Variants in KLK8 observed in about 807,000 individuals in gnomAD.
The protein encoded by KLK8 is kallikrein-8.
KLK8 carries 18 observed loss-of-function variants against 26.7 expected under a neutral mutation model. That is an observed-to-expected ratio of 0.67 (90% CI 0.47 to 1.00). KLK8 has a LOEUF of 1.00. KLK8 is among the 50% of genes least tolerant of loss of function. The pLI is 0.00. For synonymous variants in KLK8, 137 were observed against 127.1 expected, an observed-to-expected ratio of 1.08 and a Z score of -0.52; for missense variants, 301 against 331.7, an observed-to-expected ratio of 0.91 and a Z score of 0.72.
At chr19:50,997,968 A>G in intron 5 of KLK8, 84 bp from the exon 5 acceptor site, 1 of 1,553,298 alleles carries the variant, frequency 6.4e-7, no homozygotes, top group Non-Finnish European at 8.8e-7. Flanking sequence ...CTTTCTTTCC[A>G]GGATGTAATG....
chr19:51,000,727 C>G, intron 3 of KLK8, 144 bp from the exon 3 acceptor site: 6 of 1,525,286 alleles, frequency 3.9e-6, no homozygotes, highest in Non-Finnish European at 5.3e-6. Context: ...CGCTGCCACA[C>G]GGGGACACTC....
Position 50,997,829 on chromosome 19 carries a change from C to T in KLK8, c.549G>A (p.Lys183=), listed in dbSNP as rs1031168438. Residue 183 remains lysine (K), a synonymous_variant, in exon 6 of 7, where the codon AAG becomes AAA. Transcript: ENST00000600767. ...TCTGCCCCGGGTAAGCATCCTCACA[C>T]TTCTTCTGGGGAAAGATTTTTACTT... 6.2e-6 allele frequency: 10 copies of T among 1,614,032 alleles called. No individual in the cohort carries two copies. The Admixed American group carries it at 1.3e-4, about 22-fold the overall frequency.
At chr19:50,999,130 G>A (rs7245714) in intron 5 of KLK8, 10,082 of 152,208 alleles carry the variant, frequency 0.066, 919 homozygotes, top group African/African-American at 0.2. Flanking sequence ...GGGCTCTCTG[G>A]ATTCTGGAGT....
chr19:50,999,595 A>AAAAAAAAAAAG (rs2091201105), intron 5 of KLK8, among the ~76,000 whole-genome samples: 1 of 101,710 alleles, frequency 9.8e-6, no homozygotes, highest in Admixed American at 9.1e-5. Flanking sequence ...AAAAAAAAAA[A>AAAAAAAAAAAG]AAAAAAAAAA....
exon 3 of KLK8, chr19:51,001,125 G>A: frequency 1.2e-6 from 2 of 1,613,498 alleles, no homozygotes; most frequent in South Asian, 2.2e-5. Context: ...AGCAAGAGCA[G>A]GAACATCCAC....
chr19:50,997,672 C>A (rs1048549201), intron 6 of KLK8, 79 bp downstream of exon 5: 8 of 1,529,524 alleles, frequency 5.2e-6, no homozygotes, highest in Middle Eastern at 4.7e-4. Flanking sequence ...TCCCTTACCA[C>A]CCCCACCCCC....
chr19:50,997,618 A>G, intron 6 of KLK8, 133 bp downstream of exon 5: 1 of 1,029,342 alleles, frequency 9.7e-7, no homozygotes, highest in Non-Finnish European at 1.4e-6. Flanking sequence ...CCCAATCCGT[A>G]GAGATAGGGG....
At chr19:51,001,115 A>G in exon 3 of KLK8, 1 of 1,612,952 alleles carries the variant, frequency 6.2e-7, no homozygotes, top group East Asian at 2.2e-5. Context: ...GGCTCCCCCC[A>G]GCAAGAGCAG....
At chr19:50,997,635 C>G (rs559331996) in intron 6 of KLK8, 116 bp downstream of exon 5, 1 of 1,278,216 alleles carries the variant, frequency 7.8e-7, no homozygotes, top group African/African-American at 1.5e-5. Context: ...GGGGTGAACA[C>G]TCCGGGTGCC....
chr19:51,001,483 A>C, intron 2 of KLK8, 49 bp downstream of exon 1: 1 of 370,658 alleles, frequency 2.7e-6, no homozygotes, highest in Non-Finnish European at 5.0e-6. Context: ...AATCTGGAGA[A>C]GGAGGGTCCG....
At chr19:50,996,802 C>A (rs2091173218) in intron 6 of KLK8, among the ~76,000 whole-genome samples, 1 of 149,848 alleles carries the variant, frequency 6.7e-6, no homozygotes, top group African/African-American at 2.5e-5. Context: ...TTGGAGAGGA[C>A]TGAGCTGAAG....
chr19:51,000,630 C>G (rs765512862), intron 3 of KLK8, 47 bp from the exon 3 acceptor site: 1 of 1,603,134 alleles, frequency 6.2e-7, no homozygotes, highest in Non-Finnish European at 8.5e-7. Context: ...TGGGGCAGTG[C>G]GAGGGCTGGG....
intron 5 of KLK8, 120 bp downstream of exon 4, chr19:50,999,876 A>G: frequency 9.3e-7 from 1 of 1,074,132 alleles, no homozygotes; most frequent in Admixed American, 2.6e-5. Context: ...GTGAATCTCA[A>G]CATCATGATC....
At chr19:51,000,558 C>T in exon 4 of KLK8, 1 of 1,614,042 alleles carries the variant, frequency 6.2e-7, no homozygotes, top group South Asian at 1.1e-5. Flanking sequence ...CCCCCAGCAC[C>T]TTGTCCTCCT....
intron 5 of KLK8, 75 bp downstream of exon 4, chr19:50,999,921 G>A: frequency 1.4e-6 from 2 of 1,477,106 alleles, no homozygotes; most frequent in Middle Eastern, 2.5e-4. Context: ...GGGGGACCAA[G>A]CTTTGCCAAT....
chr19:50,997,390 A>G (rs915032179), intron 6 of KLK8, among the ~76,000 whole-genome samples: 2 of 152,072 alleles, frequency 1.3e-5, no homozygotes, highest in African/African-American at 4.8e-5. Context: ...CACAAATTCC[A>G]CGATGTAATG....
chr19:50,999,950 C>T, intron 5 of KLK8, 46 bp downstream of exon 4: 1 of 1,546,320 alleles, frequency 6.5e-7, no homozygotes. Flanking sequence ...TTCCACTGGG[C>T]CAACCAGCTC....
intron 6 of KLK8, 31 bp from the exon 6 acceptor site, chr19:50,996,245 T>C: frequency 6.2e-7 from 1 of 1,607,356 alleles, no homozygotes. Context: ...CAGCCTTGCA[T>C]CTGAGATGTC....
At chr19:50,997,981 G>T in intron 5 of KLK8, 97 bp from the exon 5 acceptor site, 1 of 1,500,764 alleles carries the variant, frequency 6.7e-7, no homozygotes, top group Non-Finnish European at 9.1e-7. Context: ...ATGTAATGGG[G>T]GAGTTTTCCA....
Sources: allele counts gnomAD v4.1 joint callset (sites outside exome capture counted in the v4.1 genomes callset), GRCh38; gene constraint gnomAD v4.1.1; transcripts MANE v1.5; gene names NCBI Gene and HGNC (gene_info 2026-07-23, HGNC 2026-07-21).